Variants in CSMD1 observed in about 807,000 individuals in gnomAD.
CSMD1 encodes CUB and sushi domain-containing protein 1.
A neutral mutation model predicts 417.5 loss-of-function variants in CSMD1; 213 were observed. That is an observed-to-expected ratio of 0.51 (90% CI 0.46 to 0.57). CSMD1 has a LOEUF of 0.57. Among genes scored for constraint, CSMD1 ranks in the 20% least tolerant of loss-of-function variants. The pLI is 0.00. For synonymous variants in CSMD1, 2,862 were observed against 1,736.8 expected, an observed-to-expected ratio of 1.65 and a Z score of -16.11; for missense variants, 6,923 against 4,529.7, an observed-to-expected ratio of 1.53 and a Z score of -15.17.
In CSMD1 at chr8:4,923,896, T is replaced by C. The variant is rs184914171; in HGVS notation, c.85+70436A>G. On this transcript the variant is annotated intron_variant, in intron 1 of 69. Coordinates refer to ENST00000635120, the MANE Select transcript of CSMD1 (RefSeq NM_033225.6). ...AGGCAGTATCCAAACTTTATCTGTA[T>C]AGGTTTCTTTGGTTTGGGTTCTATG... is the stretch of plus-strand genomic sequence containing the variant. Among the ~76,000 whole-genome samples the C allele has an allele frequency of 2.4e-4, 36 of 152,346 alleles. No individual in the cohort carries two copies. In the East Asian group the frequency reaches 6.9e-3, roughly 29 times the overall value.
intron 3 of CSMD1, among the ~76,000 whole-genome samples, chr8:4,183,714 G>GA (rs754249127): frequency 2.8e-4 from 43 of 152,328 alleles, no homozygotes; most frequent in Admixed American, 2.0e-3. Flanking sequence ...ATCAAATGAT[G>GA]AAAAATAATA....
In CSMD1 at chr8:4,522,897, C is replaced by T. The variant is rs183598677; in HGVS notation, c.303-102832G>A. On this transcript the variant is annotated intron_variant, in intron 2 of 69. Transcript: ENST00000635120. ...TCTCCAGGAGCTTACTTCCATAATC[C>T]TAAGGATCCTACAAATAAGGACATT... Among the ~76,000 whole-genome samples, 236 of 152,278 alleles carry T rather than the reference C, an allele frequency of 1.5e-3. 1 individual carries two copies. Among genetic ancestry groups the T allele is most frequent in the African/African-American group, 5.5e-3 (229 of 41,556 alleles).
chr8:3,867,342 G>A (rs1805174624), intron 5 of CSMD1, among the ~76,000 whole-genome samples: 1 of 152,088 alleles, frequency 6.6e-6, no homozygotes, highest in Non-Finnish European at 1.5e-5. Context: ...AGCCTAGGAG[G>A]ACAGACTGGA....
chr8:4,204,140 G>C lies in CSMD1; in HGVS notation c.416-172041C>G, dbSNP rs183538903. On this transcript the variant is annotated intron_variant, in intron 3 of 69. Coordinates refer to ENST00000635120, the MANE Select transcript of CSMD1 (RefSeq NM_033225.6). ...AACCTAAAACTTAAAGGATCTGTCAGTTTTCAAGTCCTGAAATTCATTGAC... is the reference window on the plus strand; with the variant it reads ...AACCTAAAACTTAAAGGATCTGTCACTTTTCAAGTCCTGAAATTCATTGAC... Among the ~76,000 whole-genome samples, 306 of 152,186 alleles carry C rather than the reference G, an allele frequency of 2.0e-3. 3 individuals are homozygous for C. Among genetic ancestry groups the C allele is most frequent in the Non-Finnish European group, 5.6e-4 (38 of 68,018 alleles).
chr8:4,890,389 T>G (rs927958910), intron 1 of CSMD1, among the ~76,000 whole-genome samples: 3 of 152,054 alleles, frequency 2.0e-5, no homozygotes, highest in Non-Finnish European at 4.4e-5. Context: ...CTCACAGCCA[T>G]GGGCATCCTG....
intron 3 of CSMD1, among the ~76,000 whole-genome samples, chr8:4,327,022 C>G (rs941615151): frequency 6.6e-6 from 1 of 152,088 alleles, no homozygotes; most frequent in Non-Finnish European, 1.5e-5. Flanking sequence ...AACCAGACCA[C>G]AGAAGGTCAG....
rs144134475 is a variant in CSMD1 at position 4,571,684 on chromosome 8, G to C, written c.302+65658C>G. On this transcript the variant is annotated intron_variant, in intron 2 of 69. Coordinates refer to ENST00000635120, the MANE Select transcript of CSMD1 (RefSeq NM_033225.6). ...CTGAGTTCAAGTCCTGAATATCTTTGTTAATTTTCTGTCTCTTTGATCTGT... is the reference window on the plus strand; with the variant it reads ...CTGAGTTCAAGTCCTGAATATCTTTCTTAATTTTCTGTCTCTTTGATCTGT... Among the ~76,000 whole-genome samples, 107 of 152,258 alleles carry C rather than the reference G, an allele frequency of 7.0e-4. 1 individual carries two copies. In the East Asian group the frequency reaches 0.016, roughly 23 times the overall value.
chr8:4,203,750 A>G lies in CSMD1; in HGVS notation c.416-171651T>C, dbSNP rs150377660. ...CACACATATGTACACGCACATATAC[A>G]TATAGACATTTGCATATATATGTAC... is the stretch of plus-strand genomic sequence containing the variant. On this transcript the variant is annotated intron_variant, in intron 3 of 69. Coordinates refer to ENST00000635120, the MANE Select transcript of CSMD1 (RefSeq NM_033225.6). Among the ~76,000 whole-genome samples the G allele has an allele frequency of 3.6e-3, 542 of 152,246 alleles. 4 individuals are homozygous for G. The highest frequency in any genetic ancestry group is 0.012 in the African/African-American group (500 of 41,524).
At chr8:3,522,065 T>C (rs866626496) in intron 10 of CSMD1, among the ~76,000 whole-genome samples, 6 of 152,244 alleles carry the variant, frequency 3.9e-5, no homozygotes, top group African/African-American at 1.2e-4. Context: ...TTTCTCCTTA[T>C]AGATATTTGG....
chr8:4,107,548 A>G (rs536158720), intron 3 of CSMD1, among the ~76,000 whole-genome samples: 59 of 152,362 alleles, frequency 3.9e-4, no homozygotes, highest in Non-Finnish European at 6.0e-4. Context: ...TTTTTAAGCT[A>G]CAAAGTAGCA....
At chr8:3,954,642 G>C (rs140483055) in intron 5 of CSMD1, among the ~76,000 whole-genome samples, 6 of 152,200 alleles carry the variant, frequency 3.9e-5, no homozygotes, top group Non-Finnish European at 7.3e-5. Flanking sequence ...GATTACAGGC[G>C]TGAGCCACCG....
intron 6 of CSMD1, among the ~76,000 whole-genome samples, chr8:3,725,592 G>A (rs538552169): frequency 3.3e-5 from 5 of 152,210 alleles, no homozygotes; most frequent in Middle Eastern, 3.4e-3. Flanking sequence ...GAGGAAGCCT[G>A]ATGGCTTAGG....
At chr8:3,436,143 T>G (rs572544679) in intron 12 of CSMD1, among the ~76,000 whole-genome samples, 45 of 152,242 alleles carry the variant, frequency 3.0e-4, no homozygotes, top group Admixed American at 1.4e-3. Context: ...TACATTTTTC[T>G]TTATTGAATT....
intron 5 of CSMD1, among the ~76,000 whole-genome samples, chr8:3,840,683 CTTT>C (rs939551047): frequency 6.9e-6 from 1 of 143,892 alleles, no homozygotes; most frequent in East Asian, 2.0e-4. Context: ...GACCTCAATT[CTTT>C]TTTTTAATTT....
At chr8:2,956,566 G>A (rs1803024246) in intron 63 of CSMD1, among the ~76,000 whole-genome samples, 1 of 152,006 alleles carries the variant, frequency 6.6e-6, no homozygotes. Flanking sequence ...CCATTCTCCT[G>A]ACTCAGCCTC....
At chr8:4,636,943 C>T (rs2130857721) in intron 2 of CSMD1, among the ~76,000 whole-genome samples, 1 of 152,148 alleles carries the variant, frequency 6.6e-6, no homozygotes, top group East Asian at 1.9e-4. Context: ...CCAATCAGCG[C>T]TCTATAAAAC....
chr8:3,544,914 G>C (rs983881848), intron 10 of CSMD1, among the ~76,000 whole-genome samples: 2 of 152,140 alleles, frequency 1.3e-5, no homozygotes, highest in Non-Finnish European at 2.9e-5. Context: ...CCAACTTAAT[G>C]TTTAATCTGA....
chr8:4,872,125 C>T (rs944448836), intron 1 of CSMD1, among the ~76,000 whole-genome samples: 1 of 152,086 alleles, frequency 6.6e-6, no homozygotes, highest in African/African-American at 2.4e-5. Context: ...TCATTTTATC[C>T]TCACAACAAT....
At chr8:3,487,209 A>ATTTG (rs1818092356) in intron 11 of CSMD1, among the ~76,000 whole-genome samples, 1 of 64,658 alleles carries the variant, frequency 1.5e-5, no homozygotes, top group African/African-American at 7.0e-5. Context: ...TTTTTTATTT[A>ATTTG]TTTAGTTTTT....
Sources: allele counts gnomAD v4.1 joint callset (sites outside exome capture counted in the v4.1 genomes callset), GRCh38; gene constraint gnomAD v4.1.1; transcripts MANE v1.5; gene names NCBI Gene and HGNC (gene_info 2026-07-23, HGNC 2026-07-21).